The following EPHA2 variants were observed in gnomAD, a reference collection of about 807,000 sequenced individuals.
The protein encoded by EPHA2 is ephrin type-A receptor 2.
A neutral mutation model predicts 104.9 loss-of-function variants in EPHA2; 54 were observed. That is an observed-to-expected ratio of 0.51 (90% confidence interval 0.41 to 0.65). The LOEUF is 0.65. Among genes scored for constraint, EPHA2 ranks in the 30% least tolerant of loss-of-function variants. EPHA2 has a pLI of 0.00. For synonymous variants in EPHA2, 560 were observed against 559.1 expected, an observed-to-expected ratio of 1.00 and a Z score of -0.02; for missense variants, 1,117 against 1,369.5, an observed-to-expected ratio of 0.82 and a Z score of 2.91.
intron 5 of EPHA2, among the ~76,000 whole-genome samples, chr1:16,136,713 A>AGAAGAAGAAG (rs752397568): frequency 5.8e-4 from 60 of 102,732 alleles, no homozygotes; most frequent in African/African-American, 1.6e-3. Flanking sequence ...AAGAAGAAGA[A>AGAAGAAGAAG]AAGAAGAAGA....
chr1:16,144,483 A>T (rs1353304845), intron 3 of EPHA2, among the ~76,000 whole-genome samples: 1 of 152,144 alleles, frequency 6.6e-6, no homozygotes, highest in Admixed American at 6.5e-5. Context: ...GACCACCTTA[A>T]CCACAGACAT....
Position 16,138,051 on chromosome 1 carries a change from C to A in EPHA2, c.1114G>T (p.Glu372Ter). Residue 372 changes from glutamate (E) to a stop codon, truncating the protein, a stop_gained, in exon 5 of 17, where the codon GAG becomes TAG. Coordinates refer to ENST00000358432, the MANE Select transcript of EPHA2 (RefSeq NM_004431.5). LOFTEE classifies it high-confidence loss of function. ...TCACACGGCCCGCATTCCCCAGACT[C>A]GGGCCAGCACTGTTCGCAGGTGACG... ...YSVTCEQCWPESGECGPCEAS... is the reference protein window; with the variant it reads ...YSVTCEQCWP 3.1e-6 allele frequency: 5 copies of A among 1,613,172 alleles called. No homozygotes were observed. The highest frequency in any genetic ancestry group is 4.2e-6 in the Non-Finnish European group (5 of 1,179,932).
Position 16,148,482 on chromosome 1 carries a change from C to T in EPHA2, c.719G>A (p.Gly240Asp), listed in dbSNP as rs762021717. The part of the protein sequence containing the change: ...CVDHAVVPPG[G>D]EEPRMHCAVD... Reference sequence around the variant, plus strand: ...TGCACAGTGCATACGGGGCTCTTCACCCCCCGGTGGCACCACGGCATGGTC... The same window carrying T: ...TGCACAGTGCATACGGGGCTCTTCATCCCCCGGTGGCACCACGGCATGGTC... Residue 240 changes from glycine (G) to aspartate (D), a missense_variant, in exon 3 of 17, where the codon GGT (glycine) becomes GAT (aspartate). Physicochemically the swap from Gly to Asp is moderately conservative, Grantham distance 94. This residue lies in a region of EPHA2 where 664 missense variants were observed against 784.8 expected (regional missense o/e 0.85). Transcript: ENST00000358432. The surrounding 1 kb of genome is among the most constrained non-coding windows in gnomAD (Gnocchi z 4.9). 4 of 1,613,688 alleles carry T rather than the reference C, an allele frequency of 2.5e-6. No individual in the cohort carries two copies. The highest frequency in any genetic ancestry group is 2.2e-5 in the South Asian group (2 of 91,090).
Position 16,148,369 on chromosome 1 carries a change from GTCACTCACCCTGGCAGGCA to G in EPHA2, c.813_823+8del. On this transcript the variant is annotated splice_donor_variant and splice_donor_5th_base_variant and coding_sequence_variant and intron_variant, in exon 3 of 17. Coordinates refer to ENST00000358432, the MANE Select transcript of EPHA2 (RefSeq NM_004431.5). LOFTEE classifies it high-confidence loss of function. The surrounding 1 kb of genome is among the most constrained non-coding windows in gnomAD (Gnocchi z 4.9). The stretch of plus-strand genomic sequence containing the variant: ...ACCCCCTTCCCTGCAACCCAGAACC[GTCACTCACCCTGGCAGGCA>G]TCCTCCACCTTCTCGTAGCCTGCCT... 1 of 1,613,326 alleles carries G rather than the reference GTCACTCACCCTGGCAGGCA, an allele frequency of 6.2e-7. No homozygotes were observed. The highest frequency in any genetic ancestry group is 8.5e-7 in the Non-Finnish European group (1 of 1,180,006).
intron 3 of EPHA2, among the ~76,000 whole-genome samples, chr1:16,142,244 T>C (rs1191006222): frequency 1.3e-5 from 2 of 152,180 alleles, no homozygotes; most frequent in Non-Finnish European, 2.9e-5. Context: ...CAAATAGAAA[T>C]GGGCACTTCA....
Position 16,147,304 on chromosome 1 carries a change from TG to T in EPHA2, c.823+1073del, listed in dbSNP as rs554530751. ...GGTCCCAATGGGAAATTTGTGGCCC[TG>T]GGGACATTCAGACAAGAAAGGCAGA... is the stretch of plus-strand genomic sequence containing the variant. On this transcript the variant is annotated intron_variant, in intron 3 of 16. Transcript: ENST00000358432. 2.7e-3 allele frequency among the ~76,000 whole-genome samples: 418 copies of T among 152,250 alleles called. 2 individuals carry two copies. The highest frequency in any genetic ancestry group is 4.0e-3 in the Non-Finnish European group (270 of 68,010).
chr1:16,129,637 C>T (rs1177582235), intron 15 of EPHA2, 48 bp from the exon 16 acceptor site: 2 of 1,572,678 alleles, frequency 1.3e-6, no homozygotes, highest in African/African-American at 2.7e-5. Context: ...CCCAGTCCAC[C>T]CTGGGCCCTG....
intron 3 of EPHA2, among the ~76,000 whole-genome samples, chr1:16,144,725 G>A (rs1293737379): frequency 1.3e-5 from 2 of 152,212 alleles, no homozygotes; most frequent in Admixed American, 6.5e-5. Context: ...GGGACCCCAA[G>A]GGGACCTGCT....
chr1:16,125,208 T>C lies in EPHA2; in HGVS notation c.*7A>G. ...TTGGCCGATGGGGCTCCAGGCCCTG[T>C]CGAGGCTCAGATGGGGATCCCCACA... On this transcript the variant is annotated 3_prime_UTR_variant, in exon 17 of 17. Coordinates refer to ENST00000358432, the MANE Select transcript of EPHA2 (RefSeq NM_004431.5). The surrounding 1 kb of genome is among the most constrained non-coding windows in gnomAD (Gnocchi z 4.9). The C allele has an allele frequency of 6.2e-7, 1 of 1,613,318 alleles. No individual in the cohort carries two copies. Among genetic ancestry groups the C allele is most frequent in the South Asian group, 1.1e-5 (1 of 90,888 alleles).
At chr1:16,138,567 C>A in intron 3 of EPHA2, 137 bp from the exon 4 acceptor site, 1 of 1,307,546 alleles carries the variant, frequency 7.6e-7, no homozygotes, top group South Asian at 1.2e-5. Context: ...GTTTTCTCAT[C>A]GGCAAAATGT....
At chr1:16,154,908 C>A (rs1490988390) in intron 1 of EPHA2, among the ~76,000 whole-genome samples, 1 of 152,080 alleles carries the variant, frequency 6.6e-6, no homozygotes, top group Admixed American at 6.5e-5. Context: ...CTGGCCTGGG[C>A]TGGGTGGACA....
chr1:16,143,438 G>A (rs2024865956), intron 3 of EPHA2, among the ~76,000 whole-genome samples: 1 of 151,678 alleles, frequency 6.6e-6, no homozygotes, highest in Non-Finnish European at 1.5e-5. Flanking sequence ...CACACCTGTG[G>A]CACACCTGTG....
intron 16 of EPHA2, among the ~76,000 whole-genome samples, chr1:16,126,398 T>C (rs1235372328): frequency 6.6e-6 from 1 of 152,226 alleles, no homozygotes; most frequent in Non-Finnish European, 1.5e-5. Flanking sequence ...AAGATCCTAG[T>C]TGCAGTTCTG....
intron 1 of EPHA2, among the ~76,000 whole-genome samples, chr1:16,151,930 C>G (rs1557517406): frequency 6.6e-6 from 1 of 152,218 alleles, no homozygotes; most frequent in Non-Finnish European, 1.5e-5. Flanking sequence ...TCCCACTGAT[C>G]CACCCCAGGT....
At chr1:16,129,255 C>T (rs1473351415) in intron 16 of EPHA2, among the ~76,000 whole-genome samples, 179 bp downstream of exon 16, 1 of 151,816 alleles carries the variant, frequency 6.6e-6, no homozygotes, top group African/African-American at 2.4e-5. Flanking sequence ...AGAGTGGGCA[C>T]CCAGAGCTGC....
chr1:16,145,447 G>A (rs748331137), intron 3 of EPHA2, among the ~76,000 whole-genome samples: 2 of 152,172 alleles, frequency 1.3e-5, no homozygotes, highest in African/African-American at 4.8e-5. Flanking sequence ...AGAACCCTGA[G>A]GAGAAACGGA....
chr1:16,138,969 C>A (rs989224150), intron 3 of EPHA2, among the ~76,000 whole-genome samples: 2 of 152,244 alleles, frequency 1.3e-5, no homozygotes, highest in African/African-American at 4.8e-5. Context: ...GCAGGTGTTA[C>A]CTCCAGCCCA....
rs1469448828 is a variant in EPHA2, at chr1:16,148,664, G to A, written c.537C>T (p.Tyr179=). The A allele has an allele frequency of 1.9e-6, 3 of 1,610,110 alleles. No individual in the cohort carries two copies. The highest frequency in any genetic ancestry group is 8.5e-7 in the Non-Finnish European group (1 of 1,180,018). Reference sequence around the variant, plus strand: ...AGGCACCGATATCCTGGAAGGCCAGGTAGAAGCCTTTGCGGGTGAGCGGCC... The same window carrying A: ...AGGCACCGATATCCTGGAAGGCCAGATAGAAGCCTTTGCGGGTGAGCGGCC... ...SVGPLTRKGF[Y]LAFQDIGACV... is the part of the protein sequence containing the mutation. The change falls in exon 3 of 17, where the codon TAC becomes TAT. Residue 179 remains tyrosine, a synonymous_variant. Transcript: ENST00000358432. The surrounding 1 kb of genome is among the most constrained non-coding windows in gnomAD (Gnocchi z 4.9).
At chr1:16,144,832 C>G (rs1055134830) in intron 3 of EPHA2, among the ~76,000 whole-genome samples, 7 of 152,248 alleles carry the variant, frequency 4.6e-5, no homozygotes, top group African/African-American at 1.4e-4. Context: ...ACTGCTTCCT[C>G]TCCGGACCTC....
Sources: allele counts gnomAD v4.1 joint callset (sites outside exome capture counted in the v4.1 genomes callset), GRCh38; gene constraint gnomAD v4.1.1; regional missense constraint gnomAD v4.1.1; non-coding constraint Gnocchi (gnomAD v3.1); transcripts MANE v1.5; gene names NCBI Gene and HGNC (gene_info 2026-07-23, HGNC 2026-07-21).